The following MSRB3 variants were observed in gnomAD, a reference collection of about 807,000 sequenced individuals.
MSRB3 encodes methionine sulfoxide reductase B3.
A neutral mutation model predicts 21.0 loss-of-function variants in MSRB3; 13 were observed. That is an observed-to-expected ratio of 0.62 (90% CI 0.40 to 0.98). The LOEUF is 0.98. MSRB3 is among the 50% of genes least tolerant of loss of function. The pLI is 0.00. For missense variants in MSRB3, 199 were observed against 230.3 expected (o/e 0.86, Z 0.88); for synonymous variants, 87 against 88.6 (o/e 0.98, Z 0.10).
intron 1 of MSRB3, among the ~76,000 whole-genome samples, chr12:65,282,478 T>A (rs773521280): frequency 2.6e-5 from 4 of 152,158 alleles, no homozygotes; most frequent in African/African-American, 4.8e-5. Context: ...TATGAAAGAT[T>A]TTGGTTATTG....
Position 65,405,936 on chromosome 12 carries a change from TTTC to T in MSRB3, c.292+36913_292+36915del, listed in dbSNP as rs1171247606. On this transcript the variant is annotated intron_variant, in intron 5 of 6. Transcript: ENST00000308259. ...CTCATTTTTAAATTGGGTTATTTAT[TTTC>T]TTATTTGAGTTTTTTATATATTTTT... Among the ~76,000 whole-genome samples, 14 of 152,320 alleles carry T rather than the reference TTTC, an allele frequency of 9.2e-5. No individual in the cohort carries two copies. The East Asian group carries it at 2.7e-3, about 29-fold the overall frequency.
intron 5 of MSRB3, among the ~76,000 whole-genome samples, chr12:65,439,187 A>C (rs1882257021): frequency 6.6e-6 from 1 of 151,814 alleles, no homozygotes; most frequent in South Asian, 2.1e-4. Flanking sequence ...ACAGAGGATA[A>C]AGGGGAATTA....
chr12:65,303,795 C>G (rs1485729180), intron 1 of MSRB3, among the ~76,000 whole-genome samples: 2 of 152,044 alleles, frequency 1.3e-5, no homozygotes, highest in Non-Finnish European at 2.9e-5. Flanking sequence ...TGGTGCTATA[C>G]TGGGGACTAG....
In MSRB3 at chr12:65,465,234, A is replaced by G. The variant is rs1283343588; in HGVS notation, c.*1912A>G. The G allele has an allele frequency of 1.3e-5, 2 of 152,218 alleles. No homozygotes were observed. The highest frequency in any genetic ancestry group is 6.5e-5 in the Admixed American group (1 of 15,276). 9.4% of individuals were successfully genotyped at this position (152,218 alleles called of 1,614,324 possible). On this transcript the variant is annotated 3_prime_UTR_variant, in exon 7 of 7. Transcript: ENST00000308259. ...CGGAATGGATGTCACTGTGCACAAT[A>G]AAGTTTTCACAAGTATAAACAATGG... is the stretch of plus-strand genomic sequence containing the variant.
chr12:65,356,204 G>A (rs892232541), intron 4 of MSRB3, among the ~76,000 whole-genome samples: 2 of 151,924 alleles, frequency 1.3e-5, no homozygotes, highest in Admixed American at 1.3e-4. Context: ...GGCCCTGCCT[G>A]AGTAATCAAT....
At chr12:65,327,967 A>C (rs1014819885) in intron 3 of MSRB3, among the ~76,000 whole-genome samples, 1 of 152,214 alleles carries the variant, frequency 6.6e-6, no homozygotes, top group African/African-American at 2.4e-5. Flanking sequence ...TGGACCTCAT[A>C]AAGAGGGTGA....
At chr12:65,307,782 T>C (rs747367930) in intron 1 of MSRB3, among the ~76,000 whole-genome samples, 8 of 152,186 alleles carry the variant, frequency 5.3e-5, no homozygotes, top group Non-Finnish European at 1.2e-4. Context: ...TCATGAATAT[T>C]ATTCACAGGA....
chr12:65,346,296 A>T (rs1195697047), intron 4 of MSRB3, among the ~76,000 whole-genome samples: 1 of 152,188 alleles, frequency 6.6e-6, no homozygotes, highest in Non-Finnish European at 1.5e-5. Flanking sequence ...GTGAGATGGT[A>T]TCTCACTGTG....
Position 65,328,915 on chromosome 12 carries a change from T to G in MSRB3, c.263+312T>G, listed in dbSNP as rs79708980. On this transcript the variant is annotated intron_variant, in intron 4 of 6. Transcript: ENST00000308259. ...TAGAAATGTTTATGCATTTACTGATTTTTTAAATCTTCAAATGACAGCCTT... is the reference window on the plus strand; with the variant it reads ...TAGAAATGTTTATGCATTTACTGATGTTTTAAATCTTCAAATGACAGCCTT... Among the ~76,000 whole-genome samples, 1,185 of 152,354 alleles carry G rather than the reference T, an allele frequency of 7.8e-3. 8 individuals are homozygous for G. Among genetic ancestry groups the G allele is most frequent in the Non-Finnish European group, 0.011 (753 of 68,034 alleles).
intron 1 of MSRB3, among the ~76,000 whole-genome samples, chr12:65,293,797 A>T (rs1872793777): frequency 6.6e-6 from 1 of 152,210 alleles, no homozygotes; most frequent in South Asian, 2.1e-4. Flanking sequence ...TGTTTGTTAA[A>T]TAGAGTGAGG....
chr12:65,349,810 C>T (rs1031225637), intron 4 of MSRB3, among the ~76,000 whole-genome samples: 5 of 151,740 alleles, frequency 3.3e-5, no homozygotes, highest in Non-Finnish European at 2.9e-5. Context: ...TGGATATTAG[C>T]CCTTTGTCAG....
Position 65,431,945 on chromosome 12 carries a change from G to A in MSRB3, c.293-21783G>A, listed in dbSNP as rs149846922. On this transcript the variant is annotated intron_variant, in intron 5 of 6. Transcript: ENST00000308259. ...CAAAATGTAAGGCTAGTAGAATATT[G>A]ACACTAACAAATTATTCGGAAGTTG... Among the ~76,000 whole-genome samples the A allele has an allele frequency of 1.1e-3, 162 of 152,128 alleles. 1 individual carries two copies. The highest frequency in any genetic ancestry group is 3.5e-3 in the African/African-American group (147 of 41,540).
chr12:65,461,392 G>A (rs560841215), intron 6 of MSRB3, among the ~76,000 whole-genome samples: 1 of 152,306 alleles, frequency 6.6e-6, no homozygotes, highest in South Asian at 2.1e-4. Flanking sequence ...TGCATCGAAT[G>A]TGGTAAAATA....
chr12:65,419,400 C>T, intron 5 of MSRB3: 1 of 749,412 alleles, frequency 1.3e-6, no homozygotes, highest in South Asian at 1.4e-5. Flanking sequence ...GCAGCTCCTC[C>T]TTGAGAGTCT....
chr12:65,433,351 G>A (rs1373636104), intron 5 of MSRB3, among the ~76,000 whole-genome samples: 3 of 151,272 alleles, frequency 2.0e-5, no homozygotes, highest in Non-Finnish European at 3.0e-5. Flanking sequence ...CTGTTTTCTG[G>A]GATAAAACTT....
chr12:65,439,759 T>C (rs550128155), intron 5 of MSRB3, among the ~76,000 whole-genome samples: 3 of 151,424 alleles, frequency 2.0e-5, no homozygotes, highest in Non-Finnish European at 4.4e-5. Context: ...GGAATAAAGA[T>C]AAAAGCTAAA....
chr12:65,393,777 T>C (rs1879623548), intron 5 of MSRB3, among the ~76,000 whole-genome samples: 2 of 152,124 alleles, frequency 1.3e-5, no homozygotes, highest in Non-Finnish European at 2.9e-5. Flanking sequence ...AATACAAATA[T>C]TATAAAATAC....
In MSRB3 at chr12:65,316,451, C is replaced by T. The variant is rs550523273; in HGVS notation, c.76+7796C>T. The T allele has an allele frequency of 3.3e-5, 5 of 152,110 alleles. No homozygotes were observed. The South Asian group carries it at 1.0e-3, about 32-fold the overall frequency. 9.4% of individuals were successfully genotyped at this position (152,110 alleles called of 1,614,324 possible). ...AAAATCTGTTTCAGTTATGGAAAGT[C>T]CTTGGTTCCTGCAAAGCAAGCTCCA... On this transcript the variant is annotated intron_variant, in intron 2 of 6. Coordinates refer to ENST00000308259, the MANE Select transcript of MSRB3 (RefSeq NM_001031679.3).
chr12:65,301,877 C>T (rs980065229), intron 1 of MSRB3, among the ~76,000 whole-genome samples: 2 of 152,030 alleles, frequency 1.3e-5, no homozygotes, highest in South Asian at 2.1e-4. Flanking sequence ...ATTGCAGGAG[C>T]AGAGATGAGG....
Sources: allele counts gnomAD v4.1 joint callset (sites outside exome capture counted in the v4.1 genomes callset), GRCh38; gene constraint gnomAD v4.1.1; transcripts MANE v1.5; gene names NCBI Gene and HGNC (gene_info 2026-07-23, HGNC 2026-07-21).